The following SEMA5B variants were observed in gnomAD, a reference collection of about 807,000 sequenced individuals.
SEMA5B encodes the protein semaphorin-5B.
Under a neutral mutation model 135.0 loss-of-function variants are expected in SEMA5B, and 66 were observed. That is an observed-to-expected ratio of 0.49 (90% CI 0.40 to 0.60). SEMA5B has a LOEUF of 0.60. Among genes scored for constraint, SEMA5B ranks in the 20% least tolerant of loss-of-function variants. The pLI, the probability that SEMA5B is intolerant of heterozygous loss-of-function variation, is 0.00. For synonymous variants in SEMA5B, 690 were observed against 639.5 expected, an observed-to-expected ratio of 1.08 and a Z score of -1.19; for missense variants, 1,501 against 1,566.3, an observed-to-expected ratio of 0.96 and a Z score of 0.70.
At chr3:122,976,081 C>A in intron 1 of SEMA5B, 2 of 1,535,282 alleles carry the variant, frequency 1.3e-6, no homozygotes, top group Non-Finnish European at 1.7e-6. Context: ...CTCCTTCTGA[C>A]CCTCACGCAG....
rs1937668330 is a variant in SEMA5B at position 122,911,062 on chromosome 3, A to G, written c.3092-17T>C. 5 of 1,597,370 alleles carry G rather than the reference A, an allele frequency of 3.1e-6. No individual in the cohort carries two copies. Among genetic ancestry groups the G allele is most frequent in the Non-Finnish European group, 4.3e-6 (5 of 1,167,994 alleles). ...GATTGAACCCTAGGGGAAGAGAGGCAGGTAGTAAGATGAGGGCCACTGTGA... is the reference window on the plus strand; with the variant it reads ...GATTGAACCCTAGGGGAAGAGAGGCGGGTAGTAAGATGAGGGCCACTGTGA... On this transcript the variant is annotated splice_polypyrimidine_tract_variant and intron_variant, in intron 21 of 22. Coordinates refer to ENST00000357599, the MANE Select transcript of SEMA5B (RefSeq NM_001031702.4).
In SEMA5B at chr3:122,913,924, C is replaced by T. The variant is rs766126034; in HGVS notation, c.2066G>A (p.Arg689Gln). ...SCGIGFQVRQ[R>Q]SCSNPAPRHG... is the part of the protein sequence containing the mutation. ...GCGGGGAGCAGGGTTGCTGCAACTT[C>T]GCTGGCGGACCTGGAAGCCGATGCC... Residue 689 changes from arginine (R) to glutamine (Q), a missense_variant, in exon 15 of 23, where the codon CGA becomes CAA. Coordinates refer to ENST00000357599, the MANE Select transcript of SEMA5B (RefSeq NM_001031702.4). 6.2e-7 allele frequency: 1 copy of T among 1,612,692 alleles called. No homozygotes were observed. Among genetic ancestry groups the T allele is most frequent in the East Asian group, 2.2e-5 (1 of 44,868 alleles).
chr3:122,987,004 A>G (rs988296835), intron 1 of SEMA5B, among the ~76,000 whole-genome samples: 2 of 152,134 alleles, frequency 1.3e-5, no homozygotes, highest in African/African-American at 4.8e-5. Context: ...CTGTTTTCTC[A>G]GGCTGCATTT....
At chr3:123,021,043 G>T (rs1466226991) in intron 1 of SEMA5B, among the ~76,000 whole-genome samples, 1 of 152,190 alleles carries the variant, frequency 6.6e-6, no homozygotes, top group Non-Finnish European at 1.5e-5. Flanking sequence ...TTTAGACCTT[G>T]CCTGTTTGGA....
intron 1 of SEMA5B, among the ~76,000 whole-genome samples, chr3:122,966,288 T>C (rs1167432413): frequency 6.6e-6 from 1 of 152,136 alleles, no homozygotes; most frequent in Non-Finnish European, 1.5e-5. Flanking sequence ...CTGAAGACAG[T>C]TGATAAATGT....
rs1283563413 is a variant in SEMA5B, at chr3:122,911,551, T to A, written c.3047-16A>T. ...GGCAGGATGACTGCAGGAAGACCAG[T>A]GGACAGGGTGTCAGGGGCGGAGACG... is the stretch of plus-strand genomic sequence containing the variant. On this transcript the variant is annotated splice_polypyrimidine_tract_variant and intron_variant, in intron 20 of 22. Coordinates refer to ENST00000357599, the MANE Select transcript of SEMA5B (RefSeq NM_001031702.4). 13 of 1,607,510 alleles carry A rather than the reference T, an allele frequency of 8.1e-6. No homozygotes were observed. Among genetic ancestry groups the A allele is most frequent in the Non-Finnish European group, 1.1e-5 (13 of 1,177,996 alleles).
At chr3:122,947,253 T>A (rs2107546368) in intron 3 of SEMA5B, among the ~76,000 whole-genome samples, 1 of 152,240 alleles carries the variant, frequency 6.6e-6, no homozygotes, top group African/African-American at 2.4e-5. Context: ...CTTAGGACAT[T>A]GTTAATTTAC....
chr3:122,998,596 G>A (rs371597478), intron 1 of SEMA5B, among the ~76,000 whole-genome samples: 3 of 152,242 alleles, frequency 2.0e-5, no homozygotes, highest in Admixed American at 6.5e-5. Context: ...ACCCCACAAA[G>A]CTCCAGGCCT....
chr3:123,002,472 G>A (rs1157667801), intron 1 of SEMA5B, among the ~76,000 whole-genome samples: 2 of 152,166 alleles, frequency 1.3e-5, no homozygotes, highest in African/African-American at 4.8e-5. Context: ...AGCAGCAGAC[G>A]GATGCAAACT....
intron 1 of SEMA5B, among the ~76,000 whole-genome samples, chr3:122,976,335 T>G (rs1303977985): frequency 6.6e-6 from 1 of 151,934 alleles, no homozygotes; most frequent in Non-Finnish European, 1.5e-5. Flanking sequence ...CCCTCCAGAC[T>G]CTATTGCACA....
intron 2 of SEMA5B, among the ~76,000 whole-genome samples, chr3:122,953,331 G>C (rs553641883): frequency 1.3e-5 from 2 of 152,266 alleles, no homozygotes; most frequent in East Asian, 3.9e-4. Flanking sequence ...GCCAGATCCT[G>C]AGCTCCAGGG....
intron 1 of SEMA5B, among the ~76,000 whole-genome samples, chr3:123,018,327 C>T (rs933441887): frequency 6.6e-6 from 1 of 152,240 alleles, no homozygotes; most frequent in Non-Finnish European, 1.5e-5. Flanking sequence ...TTCTCCCGAG[C>T]TGAAGAGTAT....
At position 122,926,469 on chromosome 3, in the gene SEMA5B, G is replaced by A. The variant is rs928675044; in HGVS notation, c.1059C>T (p.Pro353=). 6.2e-7 allele frequency: 1 copy of A among 1,614,208 alleles called. No individual in the cohort carries two copies. Among genetic ancestry groups the A allele is most frequent in the Non-Finnish European group, 8.5e-7 (1 of 1,180,032 alleles). The change falls in exon 9 of 23, where the codon CCC becomes CCT. Residue 353 remains proline (P), a synonymous_variant. Transcript: ENST00000357599. The part of the protein sequence containing the change: ...RLNCSRPGEV[P]FYYNELQSAF... ...CACTCTGCAGCTCGTTATAGTAGAA[G>A]GGGACCTCGCCCGGGCGGGAGCAGT...
At chr3:122,923,187 G>T (rs932309805) in intron 10 of SEMA5B, among the ~76,000 whole-genome samples, 1 of 152,144 alleles carries the variant, frequency 6.6e-6, no homozygotes, top group African/African-American at 2.4e-5. Context: ...ACTACCCACG[G>T]CTGGGCCCTG....
intron 1 of SEMA5B, among the ~76,000 whole-genome samples, chr3:122,978,196 G>T (rs1345862223): frequency 6.6e-6 from 1 of 152,234 alleles, no homozygotes; most frequent in Non-Finnish European, 1.5e-5. Context: ...ACCAGGCCTG[G>T]CCCCACCTGG....
chr3:122,965,853 C>T (rs1377273293), intron 1 of SEMA5B, among the ~76,000 whole-genome samples: 1 of 152,228 alleles, frequency 6.6e-6, no homozygotes, highest in Admixed American at 6.5e-5. Context: ...GGATTAAGAA[C>T]TGGAAAGCAG....
rs769911558 is a variant in SEMA5B, at chr3:122,915,536, G to A, written c.1892C>T (p.Ser631Phe). 1 of 1,614,120 alleles carries A rather than the reference G, an allele frequency of 6.2e-7. No individual in the cohort carries two copies. ...ACAGGATCGAGCTCGACACAGGCAA[G>A]AGCCTGAGTTGTCCCCATCCAAGTG... ...CEHLDGDNSG[S>F]CLCRARSCDS... The change falls in exon 14 of 23, where the codon TCT becomes TTT. Residue 631 changes from serine to phenylalanine, a missense_variant. By Grantham distance (155) the Ser-to-Phe change is radical. Coordinates refer to ENST00000357599, the MANE Select transcript of SEMA5B (RefSeq NM_001031702.4).
chr3:122,933,559 T>C (rs533007488), intron 5 of SEMA5B, among the ~76,000 whole-genome samples: 1 of 152,274 alleles, frequency 6.6e-6, no homozygotes, highest in Admixed American at 6.5e-5. Flanking sequence ...GGGAACTCAG[T>C]CAACCTTTTA....
chr3:122,981,957 C>T (rs1046542918), intron 1 of SEMA5B, among the ~76,000 whole-genome samples: 1 of 152,174 alleles, frequency 6.6e-6, no homozygotes, highest in South Asian at 2.1e-4. Flanking sequence ...GGTCATCAGC[C>T]CCTGCAGGCT....
Sources: allele counts gnomAD v4.1 joint callset (sites outside exome capture counted in the v4.1 genomes callset), GRCh38; gene constraint gnomAD v4.1.1; transcripts MANE v1.5; gene names NCBI Gene and HGNC (gene_info 2026-07-23, HGNC 2026-07-21).